Variants in PLAGL1 observed in about 807,000 individuals in gnomAD.
PLAGL1 encodes zinc finger protein PLAGL1.
In PLAGL1, 1 loss-of-function variant was observed where a neutral mutation model predicts 4.6. That is an observed-to-expected ratio of 0.22 (90% CI 0.08 to 1.03). The LOEUF is 1.03. PLAGL1 is among the 50% of genes least tolerant of loss of function. The pLI is 0.58. For missense variants in PLAGL1, 464 were observed against 570.4 expected, an observed-to-expected ratio of 0.81 and a Z score of 1.90; for synonymous variants, 240 against 237.8, an observed-to-expected ratio of 1.01 and a Z score of -0.08.
intron 1 of PLAGL1, among the ~76,000 whole-genome samples, chr6:144,045,797 C>T (rs1478234588): frequency 1.3e-5 from 2 of 152,172 alleles, no homozygotes; most frequent in Non-Finnish European, 2.9e-5. Flanking sequence ...CAGCTTGGTT[C>T]CATTCTCCCC....
Position 144,055,683 on chromosome 6 carries a change from T to A in PLAGL1, c.-151+8785A>T, listed in dbSNP as rs191978291. ...GGGTCTTAGTGAAGGGAAACATGTATGTGCTCATCTCCAGATCTGGAGCCA... is the reference window on the plus strand; with the variant it reads ...GGGTCTTAGTGAAGGGAAACATGTAAGTGCTCATCTCCAGATCTGGAGCCA... On this transcript the variant is annotated intron_variant, in intron 1 of 3. Coordinates refer to the PLAGL1 transcript ENST00000437412. This position sits in a 1 kb window ranked among gnomAD's most constrained non-coding sequence, Gnocchi z 5.0. Among the ~76,000 whole-genome samples, 260 of 152,292 alleles carry A rather than the reference T, an allele frequency of 1.7e-3. 1 individual carries two copies. The highest frequency in any genetic ancestry group is 6.0e-3 in the African/African-American group (248 of 41,562).
At chr6:144,013,007 A>G (rs1010445724), upstream of PLAGL1, among the ~76,000 whole-genome samples, 1 of 152,202 alleles carries the variant, frequency 6.6e-6, no homozygotes, top group Non-Finnish European at 1.5e-5. This position sits in a 1 kb window ranked among gnomAD's most constrained non-coding sequence, Gnocchi z 4.4. Flanking sequence ...AATTTTGGAA[A>G]CACTGCAGAG....
chr6:144,057,324 G>A (rs1022857180), intron 1 of PLAGL1, among the ~76,000 whole-genome samples: 1 of 152,214 alleles, frequency 6.6e-6, no homozygotes, highest in African/African-American at 2.4e-5. Flanking sequence ...TGATAGAAAT[G>A]TAATGCTTTT....
intron 1 of PLAGL1, among the ~76,000 whole-genome samples, chr6:143,987,771 T>A (rs1440679103): frequency 6.6e-6 from 1 of 152,104 alleles, no homozygotes; most frequent in Non-Finnish European, 1.5e-5. Flanking sequence ...AAGAAAACAC[T>A]GTGTCCTGGT....
At chr6:144,003,676 T>A (rs1273728274) in intron 1 of PLAGL1, among the ~76,000 whole-genome samples, 1 of 150,630 alleles carries the variant, frequency 6.6e-6, no homozygotes, top group Non-Finnish European at 1.5e-5. Context: ...AGAAAATTCC[T>A]GCAAACATAT....
In PLAGL1 at chr6:143,942,700, G is replaced by GT. The variant is rs1379421793; in HGVS notation, c.153-38dup. On this transcript the variant is annotated intron_variant, in intron 7 of 7. Coordinates refer to ENST00000674357, the MANE Select transcript of PLAGL1 (RefSeq NM_001317162.2). This position sits in a 1 kb window ranked among gnomAD's most constrained non-coding sequence, Gnocchi z 7.6. ...AGGAGAAATTTCACAATAGAGAGTTGTTTTAAGAGCTGAAGAAAGGTGTAG... is the reference window on the plus strand; with the variant it reads ...AGGAGAAATTTCACAATAGAGAGTTGTTTTTAAGAGCTGAAGAAAGGTGTAG... 1 of 1,515,678 alleles carries GT rather than the reference G, an allele frequency of 6.6e-7. No individual in the cohort carries two copies. The highest frequency in any genetic ancestry group is 1.4e-5 in the African/African-American group (1 of 72,208). The allele number at this position is 1,515,678 out of a possible 1,614,324, so 93.9% of individuals were successfully genotyped here.
In PLAGL1 at chr6:143,948,544, C is replaced by G. The variant is rs1165888393; in HGVS notation, c.-324-84G>C. On this transcript the variant is annotated intron_variant, in intron 6 of 7. Transcript: ENST00000674357. The surrounding 1 kb of genome is among the most constrained non-coding windows in gnomAD (Gnocchi z 6.0). ...TCCCTGACCGCTTCAGAATCAACTA[C>G]CCACAATCAACACGTTCCTTTAAAT... 1.1e-5 allele frequency: 2 copies of G among 176,438 alleles called. No individual in the cohort carries two copies. The highest frequency in any genetic ancestry group is 2.5e-5 in the Non-Finnish European group (2 of 81,562). 10.9% of individuals were successfully genotyped at this position (176,438 alleles called of 1,614,324 possible).
chr6:144,063,765 G>C lies in PLAGL1; in HGVS notation c.-151+703C>G, dbSNP rs1178193364. ...GGCCCTACAAACCCAACACGGCTGT[G>C]CACCCGCCAAAGTGCCCACGCCCAC... On this transcript the variant is annotated intron_variant, in intron 1 of 3. Coordinates refer to the PLAGL1 transcript ENST00000437412. This position sits in a 1 kb window ranked among gnomAD's most constrained non-coding sequence, Gnocchi z 5.7. Among the ~76,000 whole-genome samples the C allele has an allele frequency of 2.6e-5, 4 of 152,320 alleles. No homozygotes were observed. Among genetic ancestry groups the C allele is most frequent in the African/African-American group, 9.6e-5 (4 of 41,582 alleles).
intron 1 of PLAGL1, among the ~76,000 whole-genome samples, chr6:144,049,658 G>T (rs573234166): frequency 6.6e-6 from 1 of 152,128 alleles, no homozygotes; most frequent in Admixed American, 6.5e-5. Context: ...GGGAAAACTG[G>T]CCCCATGATC....
At chr6:144,051,206 G>C (rs1208891543) in intron 1 of PLAGL1, among the ~76,000 whole-genome samples, 2 of 152,066 alleles carry the variant, frequency 1.3e-5, no homozygotes, top group African/African-American at 4.8e-5. Context: ...ATAAATTTCA[G>C]AAAACAATGA....
chr6:144,043,326 CTT>C (rs1263885669), intron 1 of PLAGL1, among the ~76,000 whole-genome samples: 2 of 152,102 alleles, frequency 1.3e-5, no homozygotes, highest in African/African-American at 4.8e-5. Context: ...ATAAATAGCT[CTT>C]ATTATTTTGA....
chr6:143,987,927 T>C (rs6914948), intron 1 of PLAGL1, among the ~76,000 whole-genome samples: 38,919 of 152,044 alleles, frequency 0.26, 5,135 homozygotes, highest in East Asian at 0.34. Flanking sequence ...CCCAGGGAAA[T>C]ACATATACAA....
chr6:144,002,813 C>A (rs1333018814), intron 1 of PLAGL1, among the ~76,000 whole-genome samples: 1 of 150,240 alleles, frequency 6.7e-6, no homozygotes, highest in Non-Finnish European at 1.5e-5. Context: ...AGACTCAATT[C>A]TGTTAAAATG....
intron 1 of PLAGL1, among the ~76,000 whole-genome samples, chr6:144,029,522 GAGAGCTAGCTCTTAAGTCTATTAAA>G (rs1336185036): frequency 6.6e-6 from 1 of 152,218 alleles, no homozygotes; most frequent in Admixed American, 6.5e-5. Context: ...GTGAAGAATA[GAGAGCTAGCTCTTAAGTCTATTAAA>G]AGATACTCCT....
chr6:144,017,965 T>G lies in PLAGL1; in HGVS notation c.-151+46503A>C, dbSNP rs543126023. 5.9e-5 allele frequency among the ~76,000 whole-genome samples: 9 copies of G among 152,298 alleles called. No homozygotes were observed. The East Asian group carries it at 1.5e-3, about 26-fold the overall frequency. ...CAGCCTACACCACAAGGTTCAAGATTGTAATCATTTTCTCACCACTGTCCA... is the reference window on the plus strand; with the variant it reads ...CAGCCTACACCACAAGGTTCAAGATGGTAATCATTTTCTCACCACTGTCCA... On this transcript the variant is annotated intron_variant, in intron 1 of 3. Transcript: ENST00000437412.
chr6:144,058,093 G>T (rs1210843909), intron 1 of PLAGL1, among the ~76,000 whole-genome samples: 1 of 152,162 alleles, frequency 6.6e-6, no homozygotes, highest in African/African-American at 2.4e-5. Flanking sequence ...AAGAAAAGAG[G>T]TTTAATTGGC....
intron 1 of PLAGL1, among the ~76,000 whole-genome samples, chr6:144,045,892 A>C (rs1325379041): frequency 6.0e-5 from 9 of 150,998 alleles, no homozygotes; most frequent in Admixed American, 2.0e-4. Context: ...CATTTCTTTT[A>C]CTCTTTTTTC....
intron 1 of PLAGL1, among the ~76,000 whole-genome samples, chr6:144,023,108 C>T (rs1410191880): frequency 6.6e-6 from 1 of 152,158 alleles, no homozygotes; most frequent in African/African-American, 2.4e-5. Flanking sequence ...TTAATGCATA[C>T]TGCTAAGAAA....
chr6:144,026,959 C>G (rs530411724), intron 1 of PLAGL1, among the ~76,000 whole-genome samples: 31 of 152,234 alleles, frequency 2.0e-4, no homozygotes, highest in African/African-American at 7.5e-4. Flanking sequence ...CACCTGTAAT[C>G]ACAGCACTTT....
Sources: gnomAD v4.1 joint callset for allele counts (sites outside exome capture counted in the v4.1 genomes callset) on GRCh38, gnomAD v4.1.1 for gene constraint, Gnocchi (gnomAD v3.1) non-coding constraint, MANE v1.5 for transcripts, NCBI Gene and HGNC (gene_info 2026-07-23, HGNC 2026-07-21) for gene names.